CBFA2T2: variants seen among roughly 807,000 people sequenced by gnomAD.
CBFA2T2 encodes protein CBFA2T2.
In CBFA2T2, 11 loss-of-function variants were observed where a neutral mutation model predicts 62.2. That is an observed-to-expected ratio of 0.18 (90% CI 0.11 to 0.29). CBFA2T2 has a LOEUF of 0.29. Among genes scored for constraint, CBFA2T2 ranks in the 10% least tolerant of loss-of-function variants. The probability of loss-of-function intolerance (pLI) is 1.00; values close to 1 mark genes in which losing one functional copy is unlikely to be tolerated. For missense variants in CBFA2T2, 592 were observed against 774.1 expected (o/e 0.76, Z 2.79); for synonymous variants, 295 against 287.5 (o/e 1.03, Z -0.27).
intron 1 of CBFA2T2, among the ~76,000 whole-genome samples, chr20:33,519,510 A>G (rs758235295): frequency 1.3e-5 from 2 of 152,146 alleles, no homozygotes; most frequent in Non-Finnish European, 2.9e-5. Context: ...TATTAGAGGT[A>G]TGGGTAGGTT....
intron 1 of CBFA2T2, among the ~76,000 whole-genome samples, chr20:33,513,871 A>G (rs2011552436): frequency 6.8e-6 from 1 of 146,286 alleles, no homozygotes; most frequent in South Asian, 2.2e-4. Context: ...TTAGGTGTTG[A>G]TAAGTACTTG....
At chr20:33,512,821 G>A (rs540759670) in intron 1 of CBFA2T2, among the ~76,000 whole-genome samples, 11 of 148,222 alleles carry the variant, frequency 7.4e-5, no homozygotes, top group Non-Finnish European at 1.5e-4. Flanking sequence ...GCGCGATCTC[G>A]GGCTGACTGC....
chr20:33,633,153 G>A (rs375951655), intron 8 of CBFA2T2, among the ~76,000 whole-genome samples: 3 of 151,920 alleles, frequency 2.0e-5, no homozygotes, highest in African/African-American at 4.8e-5. Context: ...GGTGGATCAC[G>A]TGAAGCCAGG....
chr20:33,510,211 CTTGTTTTTTTT>C (rs1318313653), intron 1 of CBFA2T2, among the ~76,000 whole-genome samples: 3 of 149,016 alleles, frequency 2.0e-5, no homozygotes, highest in Non-Finnish European at 3.0e-5. Flanking sequence ...TTCTTTTTTT[CTTGTTTTTTTT>C]TTTTTGGAGA....
chr20:33,521,827 T>C (rs1003256629), intron 1 of CBFA2T2, among the ~76,000 whole-genome samples: 3 of 151,316 alleles, frequency 2.0e-5, no homozygotes, highest in African/African-American at 7.3e-5. Context: ...GAGCTGCGTG[T>C]GTGTGTGTGT....
chr20:33,537,586 C>T (rs1054694656), intron 1 of CBFA2T2, among the ~76,000 whole-genome samples: 9 of 152,070 alleles, frequency 5.9e-5, no homozygotes, highest in African/African-American at 2.2e-4. Flanking sequence ...TTGCCTAACC[C>T]GAGTTCACAA....
intron 1 of CBFA2T2, among the ~76,000 whole-genome samples, chr20:33,506,264 T>A (rs2011401415): frequency 1.3e-5 from 2 of 152,018 alleles, no homozygotes; most frequent in South Asian, 4.1e-4. Flanking sequence ...ATAGTCATAA[T>A]AATATAAATT....
intron 1 of CBFA2T2, among the ~76,000 whole-genome samples, chr20:33,529,260 C>G (rs2011975759): frequency 6.6e-6 from 1 of 151,818 alleles, no homozygotes; most frequent in African/African-American, 2.4e-5. Context: ...CTCCTGACCT[C>G]GTGATCCGCC....
chr20:33,576,610 A>C (rs1480907554), intron 1 of CBFA2T2, among the ~76,000 whole-genome samples: 1 of 152,232 alleles, frequency 6.6e-6, no homozygotes, highest in Non-Finnish European at 1.5e-5. Context: ...TCTTGATTGC[A>C]AAGGGTGCTG....
At chr20:33,570,296 A>T (rs1164481864) in intron 1 of CBFA2T2, among the ~76,000 whole-genome samples, 1 of 152,116 alleles carries the variant, frequency 6.6e-6, no homozygotes, top group Non-Finnish European at 1.5e-5. Context: ...ACAAACAAAC[A>T]AAAAAAGATA....
In CBFA2T2 at chr20:33,576,407, A is replaced by G. The variant is rs74874720; in HGVS notation, c.35-30549A>G. Among the ~76,000 whole-genome samples, 502 of 152,332 alleles carry G rather than the reference A, an allele frequency of 3.3e-3. 2 individuals are homozygous for G. Among genetic ancestry groups the G allele is most frequent in the Non-Finnish European group, 5.7e-3 (389 of 68,028 alleles). On this transcript the variant is annotated intron_variant, in intron 1 of 10. Transcript: ENST00000342704. ...CCTTCCATTTATGTTGTTTGGATTC[A>G]GTCTCCACTATACTATAGCCTTATA...
In CBFA2T2 at chr20:33,619,524, C is replaced by T; in HGVS notation, c.428C>T (p.Thr143Ile). The T allele has an allele frequency of 6.3e-7, 1 of 1,596,626 alleles. No homozygotes were observed. Among genetic ancestry groups the T allele is most frequent in the Non-Finnish European group, 8.5e-7 (1 of 1,171,808 alleles). ...GGTTATTTATCTTTTCAGAACTCAACAGTGACAATTGAGGAATTCCACTGT... is the reference window on the plus strand; with the variant it reads ...GGTTATTTATCTTTTCAGAACTCAATAGTGACAATTGAGGAATTCCACTGT... ...RTLVLALVNS[T>I]VTIEEFHCKL... The change falls in exon 4 of 11, where the codon ACA (threonine) becomes ATA (isoleucine). Residue 143 changes from threonine (T) to isoleucine (I), a missense_variant. Thr to Ile is a moderately conservative substitution (Grantham distance 89, BLOSUM62 -1). Coordinates refer to ENST00000342704, the MANE Select transcript of CBFA2T2 (RefSeq NM_001032999.3).
At position 33,589,111 on chromosome 20, in the gene CBFA2T2, A is replaced by G. The variant is rs761398601; in HGVS notation, c.35-17845A>G. On this transcript the variant is annotated intron_variant, in intron 1 of 10. Coordinates refer to ENST00000342704, the MANE Select transcript of CBFA2T2 (RefSeq NM_001032999.3). ...GTAAGTAGAAACTTCAAGGTTATAC[A>G]TGCAAAATGTGGCTTAAACTAGAGC... Among the ~76,000 whole-genome samples the G allele has an allele frequency of 1.6e-4, 25 of 152,252 alleles. 1 individual carries two copies. The highest frequency in any genetic ancestry group is 2.4e-4 in the Non-Finnish European group (16 of 68,042).
At chr20:33,545,757 T>A (rs748418168) in intron 1 of CBFA2T2, among the ~76,000 whole-genome samples, 3 of 152,240 alleles carry the variant, frequency 2.0e-5, no homozygotes, top group Non-Finnish European at 4.4e-5. Flanking sequence ...CTTTTTCTTA[T>A]CTTTTTGCAG....
At chr20:33,511,468 G>A (rs2011510582) in intron 1 of CBFA2T2, among the ~76,000 whole-genome samples, 1 of 151,954 alleles carries the variant, frequency 6.6e-6, no homozygotes, top group African/African-American at 2.4e-5. Context: ...TTATTTCTGA[G>A]GCCTCTGTTC....
intron 1 of CBFA2T2, among the ~76,000 whole-genome samples, chr20:33,566,886 T>G (rs184894344): frequency 7.2e-5 from 11 of 152,358 alleles, no homozygotes; most frequent in Admixed American, 6.5e-4. Context: ...CCAAGATCAG[T>G]TGTTTACTTC....
chr20:33,557,589 C>A (rs1421501026), intron 1 of CBFA2T2, among the ~76,000 whole-genome samples: 1 of 152,196 alleles, frequency 6.6e-6, no homozygotes, highest in South Asian at 2.1e-4. Context: ...TCACTGCAGC[C>A]TCAAACTCCT....
intron 6 of CBFA2T2, 32 bp downstream of exon 6, chr20:33,625,049 A>C: frequency 6.3e-7 from 1 of 1,589,690 alleles, no homozygotes; most frequent in Non-Finnish European, 8.6e-7. Flanking sequence ...GTAAATTCAG[A>C]CTGGATTCTT....
chr20:33,644,268 T>G, intron 10 of CBFA2T2, 79 bp from the exon 11 acceptor site: 1 of 1,522,308 alleles, frequency 6.6e-7, no homozygotes, highest in Non-Finnish European at 8.9e-7. Flanking sequence ...ATACAGCCCC[T>G]TGCTTTACTG....
Sources: allele counts gnomAD v4.1 joint callset (sites outside exome capture counted in the v4.1 genomes callset), GRCh38; gene constraint gnomAD v4.1.1; transcripts MANE v1.5; gene names NCBI Gene and HGNC (gene_info 2026-07-23, HGNC 2026-07-21).